RELN: variants seen among roughly 807,000 people sequenced by gnomAD.
RELN encodes reelin.
Under a neutral mutation model 427.6 loss-of-function variants are expected in RELN, and 108 were observed. The observed-to-expected ratio is 0.25, with a 90% confidence interval of 0.22 to 0.30. RELN has a LOEUF of 0.30. Among genes scored for constraint, RELN ranks in the 10% least tolerant of loss-of-function variants. The probability of loss-of-function intolerance (pLI) is 1.00; values close to 1 mark genes in which losing one functional copy is unlikely to be tolerated. For synonymous variants in RELN, 1,524 were observed against 1,513.4 expected (o/e 1.01, Z -0.16); for missense variants, 3,715 against 4,302.8 (o/e 0.86, Z 3.82).
intron 3 of RELN, among the ~76,000 whole-genome samples, chr7:103,826,997 CTTTTT>C (rs201344580): frequency 7.6e-6 from 1 of 130,804 alleles, no homozygotes. Flanking sequence ...TTTGCTATAG[CTTTTT>C]TTTTTTTTTT....
chr7:103,492,068 T>C, intron 57 of RELN, 42 bp from the exon 58 acceptor site: 1 of 1,412,788 alleles, frequency 7.1e-7, no homozygotes, highest in Non-Finnish European at 1.0e-6. Flanking sequence ...TAAGATTAGA[T>C]GATACTGAAT....
intron 49 of RELN, 67 bp from the exon 50 acceptor site, chr7:103,515,508 A>G: frequency 6.3e-7 from 1 of 1,586,550 alleles, no homozygotes. Context: ...TGAGTAAAAG[A>G]TTTACAACCA....
rs1214133012 is a variant in RELN, at chr7:103,650,386, G to A, written c.1893-3C>T. On this transcript the variant is annotated splice_region_variant and splice_polypyrimidine_tract_variant and intron_variant, in intron 15 of 64. Coordinates refer to ENST00000428762, the MANE Select transcript of RELN (RefSeq NM_005045.4). ...GGGGAATTGTTATTCGGTTCCACCTGCAAGAAATTTAGCACAAAACCATCT... is the reference window on the plus strand; with the variant it reads ...GGGGAATTGTTATTCGGTTCCACCTACAAGAAATTTAGCACAAAACCATCT... 1.3e-6 allele frequency: 2 copies of A among 1,579,198 alleles called. No homozygotes were observed. The highest frequency in any genetic ancestry group is 1.7e-6 in the Non-Finnish European group (2 of 1,148,752).
intron 2 of RELN, among the ~76,000 whole-genome samples, chr7:103,884,673 T>G (rs1794683656): frequency 6.6e-6 from 1 of 151,890 alleles, no homozygotes; most frequent in South Asian, 2.1e-4. Context: ...CCAACAAAAA[T>G]ATGAAAAAAA....
intron 24 of RELN, among the ~76,000 whole-genome samples, chr7:103,598,026 T>C (rs1831579250): frequency 6.6e-6 from 1 of 152,134 alleles, no homozygotes; most frequent in Non-Finnish European, 1.5e-5. Context: ...ATAATATACA[T>C]AGTATTACAG....
In RELN at chr7:103,682,275, G is replaced by A. The variant is rs1425889724; in HGVS notation, c.1144-14C>T. 3 of 1,613,908 alleles carry A rather than the reference G, an allele frequency of 1.9e-6. No individual in the cohort carries two copies. The highest frequency in any genetic ancestry group is 2.5e-6 in the Non-Finnish European group (3 of 1,179,836). On this transcript the variant is annotated splice_polypyrimidine_tract_variant and intron_variant, in intron 10 of 64. Transcript: ENST00000428762. Reference sequence around the variant, plus strand: ...CTGACAGCTATGCTGTAGGTGAAAAGAGAGCACGGGGTGGCTGTTGAATTG... The same window carrying A: ...CTGACAGCTATGCTGTAGGTGAAAAAAGAGCACGGGGTGGCTGTTGAATTG...
chr7:103,906,823 G>A (rs1056011561), intron 2 of RELN, among the ~76,000 whole-genome samples: 2 of 152,170 alleles, frequency 1.3e-5, no homozygotes, highest in African/African-American at 4.8e-5. Context: ...ATGTCTTGAT[G>A]TCTAAGCAGA....
At chr7:103,815,148 TG>T (rs1225209053) in intron 3 of RELN, among the ~76,000 whole-genome samples, 5 of 152,216 alleles carry the variant, frequency 3.3e-5, no homozygotes, top group African/African-American at 1.2e-4. Flanking sequence ...TTTGTAGAGG[TG>T]CAGACAAGTA....
chr7:103,685,520 A>T (rs1185907629), intron 10 of RELN, among the ~76,000 whole-genome samples: 3 of 152,146 alleles, frequency 2.0e-5, no homozygotes, highest in Non-Finnish European at 4.4e-5. Flanking sequence ...ATATCAAGCT[A>T]CTAAGCATTT....
intron 33 of RELN, among the ~76,000 whole-genome samples, chr7:103,565,896 C>T (rs1830739569): frequency 6.6e-6 from 1 of 152,044 alleles, no homozygotes; most frequent in Non-Finnish European, 1.5e-5. Context: ...TTGGGATATC[C>T]AGCACTTCAA....
chr7:103,853,691 G>A (rs2116470895), intron 2 of RELN, among the ~76,000 whole-genome samples: 1 of 151,764 alleles, frequency 6.6e-6, no homozygotes, highest in East Asian at 1.9e-4. Context: ...AATAAAATAT[G>A]AGAATTTTTA....
At position 103,572,162 on chromosome 7, in the gene RELN, C is replaced by A. The variant is rs189243482; in HGVS notation, c.4588+22G>T. 8.4e-6 allele frequency: 12 copies of A among 1,432,632 alleles called. No homozygotes were observed. The Admixed American group carries it at 2.0e-4, about 24-fold the overall frequency. 88.7% of individuals were successfully genotyped at this position (1,432,632 alleles called of 1,614,324 possible). On this transcript the variant is annotated intron_variant, in intron 31 of 64. Transcript: ENST00000428762. ...AATCTGCCAATAGTAACTGTAATTT[C>A]CATGGAAATACAGCAGCTTACCTTC...
chr7:103,853,835 A>G (rs1793881137), intron 2 of RELN, among the ~76,000 whole-genome samples: 1 of 152,110 alleles, frequency 6.6e-6, no homozygotes, highest in Admixed American at 6.6e-5. Context: ...GTTTACTAAT[A>G]GAGGAACCCA....
rs142059680 is a variant in RELN at position 103,496,610 on chromosome 7, C to G, written c.9109G>C (p.Glu3037Gln). The G allele has an allele frequency of 6.2e-6, 10 of 1,614,066 alleles. No individual in the cohort carries two copies. The African/African-American group carries it at 1.3e-4, about 22-fold the overall frequency. ...TTGTCCAGTGCCCACTGAGCACGCTCCACCCCAGAGACCACAATTCCATTG... is the reference window on the plus strand; with the variant it reads ...TTGTCCAGTGCCCACTGAGCACGCTGCACCCCAGAGACCACAATTCCATTG... ...ISNGIVVSGVERAQWALDNIL... is the reference protein window; with the variant it reads ...ISNGIVVSGVQRAQWALDNIL... The change falls in exon 56 of 65, where the codon GAG (glutamate) becomes CAG (glutamine). Residue 3037 changes from glutamate to glutamine, a missense_variant. By Grantham distance (29) the Glu-to-Gln change is conservative (BLOSUM62 2). Coordinates refer to ENST00000428762, the MANE Select transcript of RELN (RefSeq NM_005045.4).
chr7:103,767,096 CA>C (rs1406984946), intron 4 of RELN, among the ~76,000 whole-genome samples: 3 of 152,310 alleles, frequency 2.0e-5, no homozygotes, highest in African/African-American at 7.2e-5. Flanking sequence ...TATACACACA[CA>C]CATGATTATT....
Position 103,723,181 on chromosome 7 carries a change from C to A in RELN, c.764G>T (p.Gly255Val). 1 of 1,586,816 alleles carries A rather than the reference C, an allele frequency of 6.3e-7. No individual in the cohort carries two copies. The highest frequency in any genetic ancestry group is 8.7e-7 in the Non-Finnish European group (1 of 1,155,786). ...PYGPRELITTGLNTTTASVLQ... is the reference protein window; with the variant it reads ...PYGPRELITTVLNTTTASVLQ... Reference sequence around the variant, plus strand: ...GACAGAAGCTGTTGTTGTATTAAGGCCTGTGGTAATCTAAAGAAAAAAGAA... The same window carrying A: ...GACAGAAGCTGTTGTTGTATTAAGGACTGTGGTAATCTAAAGAAAAAAGAA... The change falls in exon 8 of 65, where the codon GGC becomes GTC. Residue 255 changes from glycine (G) to valine (V), a missense_variant. By Grantham distance (109) the Gly-to-Val change is moderately radical (BLOSUM62 -3). Around this residue, in one of 4 missense-constraint regions of RELN, gnomAD observed 2,208 missense variants for 2,361.7 expected, o/e 0.93. Transcript: ENST00000428762.
chr7:103,572,596 G>A lies in RELN; in HGVS notation c.4512-336C>T, dbSNP rs6978250. On this transcript the variant is annotated intron_variant, in intron 30 of 64. Coordinates refer to ENST00000428762, the MANE Select transcript of RELN (RefSeq NM_005045.4). ...CTGTTGCCCAGGCTGGAATGCAGTG[G>A]CGTGATCTCGACTCACTGCAAGCTC... 6.1e-3 allele frequency among the ~76,000 whole-genome samples: 931 copies of A among 151,958 alleles called. 8 individuals are homozygous for A. Among genetic ancestry groups the A allele is most frequent in the African/African-American group, 0.021 (884 of 41,468 alleles).
chr7:103,743,731 C>T (rs934687241), intron 6 of RELN, among the ~76,000 whole-genome samples: 5 of 152,144 alleles, frequency 3.3e-5, no homozygotes, highest in Non-Finnish European at 2.9e-5. Context: ...AATATATATG[C>T]ACCCAATACA....
chr7:103,498,993 A>G (rs2117028152), intron 53 of RELN, among the ~76,000 whole-genome samples: 1 of 152,296 alleles, frequency 6.6e-6, no homozygotes, highest in African/African-American at 2.4e-5. Context: ...TCCCCAATGG[A>G]TTGTCCTGGT....
Sources: allele counts gnomAD v4.1 joint callset (sites outside exome capture counted in the v4.1 genomes callset), GRCh38; gene constraint gnomAD v4.1.1; regional missense constraint gnomAD v4.1.1; transcripts MANE v1.5; gene names NCBI Gene and HGNC (gene_info 2026-07-23, HGNC 2026-07-21).